STRN3: variants seen among roughly 807,000 people sequenced by gnomAD.
The protein encoded by STRN3 is striatin 3.
Under a neutral mutation model 95.6 loss-of-function variants are expected in STRN3, and 29 were observed. The ratio of observed to expected loss-of-function variants is 0.30; its 90% confidence interval spans 0.23 to 0.41. The LOEUF (loss-of-function observed/expected upper bound fraction) is 0.41. Ranked by LOEUF, STRN3 falls within the 10% of genes least tolerant of loss-of-function variation. The pLI, the probability that STRN3 is intolerant of heterozygous loss-of-function variation, is 1.00. For missense variants in STRN3, 890 were observed against 972.1 expected (o/e 0.92, Z 1.12); for synonymous variants, 331 against 357.6 (o/e 0.93, Z 0.84).
At chr14:30,902,996 C>T (rs1896365728) in intron 15 of STRN3, among the ~76,000 whole-genome samples, 1 of 152,084 alleles carries the variant, frequency 6.6e-6, no homozygotes, top group Non-Finnish European at 1.5e-5. Flanking sequence ...AAAACATTCA[C>T]AATTGCTAGT....
chr14:30,913,707 A>G, intron 9 of STRN3, 50 bp from the exon 10 acceptor site: 1 of 1,570,230 alleles, frequency 6.4e-7, no homozygotes, highest in Non-Finnish European at 8.6e-7. Context: ...ATACAGTACA[A>G]GACAATATTG....
intron 5 of STRN3, among the ~76,000 whole-genome samples, chr14:30,944,924 A>G (rs1432840720): frequency 2.0e-5 from 3 of 152,084 alleles, no homozygotes; most frequent in Non-Finnish European, 2.9e-5. Flanking sequence ...ACCAGAATAT[A>G]TTTTAGATAA....
intron 7 of STRN3, among the ~76,000 whole-genome samples, chr14:30,931,234 GGTAA>G (rs1878521100): frequency 6.6e-6 from 1 of 152,086 alleles, no homozygotes; most frequent in African/African-American, 2.4e-5. Flanking sequence ...AAACTTGCCT[GGTAA>G]GTAACAGCTG....
At chr14:30,992,180 C>T (rs1344950443) in intron 1 of STRN3, among the ~76,000 whole-genome samples, 4 of 151,822 alleles carry the variant, frequency 2.6e-5, no homozygotes, top group South Asian at 2.1e-4. Flanking sequence ...GAGGCTGAGG[C>T]GGGCGGATCA....
At chr14:30,897,540 G>A (rs755391459) in intron 16 of STRN3, among the ~76,000 whole-genome samples, 2 of 152,170 alleles carry the variant, frequency 1.3e-5, no homozygotes, top group African/African-American at 2.4e-5. Flanking sequence ...AGCTGAGATC[G>A]TGCCACTGCA....
intron 1 of STRN3, among the ~76,000 whole-genome samples, chr14:30,957,510 C>T (rs901151524): frequency 1.3e-5 from 2 of 150,766 alleles, no homozygotes; most frequent in Admixed American, 1.3e-4. Flanking sequence ...TTCCATTGTA[C>T]CACCCCACTC....
intron 16 of STRN3, among the ~76,000 whole-genome samples, chr14:30,896,449 A>T (rs2138929646): frequency 6.6e-6 from 1 of 152,152 alleles, no homozygotes; most frequent in African/African-American, 2.4e-5. Flanking sequence ...GTGCACTATG[A>T]CTGTGCCTGT....
chr14:30,937,881 G>A (rs1408767980), intron 5 of STRN3, among the ~76,000 whole-genome samples: 1 of 152,118 alleles, frequency 6.6e-6, no homozygotes, highest in African/African-American at 2.4e-5. Flanking sequence ...AATTAAGCAT[G>A]TAATACAATT....
At chr14:30,951,553 A>G (rs1879641778) in intron 3 of STRN3, among the ~76,000 whole-genome samples, 1 of 152,118 alleles carries the variant, frequency 6.6e-6, no homozygotes, top group Non-Finnish European at 1.5e-5. Flanking sequence ...TTTAACTACT[A>G]GAATTCCGCT....
In STRN3 at chr14:30,936,579, G is replaced by A. The variant is rs773148956; in HGVS notation, c.762C>T (p.Ala254=). Residue 254 remains alanine (A), a synonymous_variant, in exon 6 of 18, where the codon GCC becomes GCT. Coordinates refer to ENST00000357479, the MANE Select transcript of STRN3 (RefSeq NM_001083893.2). ...VLETFNFLEN[A]DDSDEDEEND... The stretch of plus-strand genomic sequence containing the variant: ...TTTCCTCATCTTCATCACTGTCATC[G>A]GCATTTTCTAAGAAATTGAACGTCT... The A allele has an allele frequency of 2.9e-5, 47 of 1,613,390 alleles. No individual in the cohort carries two copies. Among genetic ancestry groups the A allele is most frequent in the Middle Eastern group, 1.6e-4 (1 of 6,076 alleles).
At chr14:30,952,699 C>CAA (rs1011811438) in intron 3 of STRN3, among the ~76,000 whole-genome samples, 1 of 149,328 alleles carries the variant, frequency 6.7e-6, no homozygotes, top group Admixed American at 6.7e-5. Flanking sequence ...GACTCTGTCT[C>CAA]AAAAAAAACC....
chr14:30,915,262 A>C (rs1896709170), intron 9 of STRN3, among the ~76,000 whole-genome samples: 1 of 152,190 alleles, frequency 6.6e-6, no homozygotes, highest in Admixed American at 6.5e-5. Context: ...AATTCTGAGA[A>C]GACACAATTC....
At chr14:30,997,988 G>A (rs762697102) in intron 1 of STRN3, among the ~76,000 whole-genome samples, 3 of 152,118 alleles carry the variant, frequency 2.0e-5, no homozygotes, top group African/African-American at 7.2e-5. Context: ...ATCTTGGTAG[G>A]AGCTACAAAT....
chr14:30,985,293 A>G (rs1881627380), intron 1 of STRN3, among the ~76,000 whole-genome samples: 1 of 115,678 alleles, frequency 8.6e-6, no homozygotes. Flanking sequence ...GGGCAACAAG[A>G]GTAAAACTCC....
chr14:30,948,643 A>G (rs912106552), intron 4 of STRN3, among the ~76,000 whole-genome samples: 1 of 152,250 alleles, frequency 6.6e-6, no homozygotes, highest in Non-Finnish European at 1.5e-5. Context: ...TAGTTGCTTC[A>G]GAGGAATGTC....
intron 1 of STRN3, among the ~76,000 whole-genome samples, chr14:30,986,272 T>G (rs1357795796): frequency 6.6e-6 from 1 of 152,162 alleles, no homozygotes; most frequent in Non-Finnish European, 1.5e-5. Flanking sequence ...ACTGGCCTCC[T>G]GAAGTGTTCT....
chr14:30,961,254 T>C (rs1032664845), intron 1 of STRN3, among the ~76,000 whole-genome samples: 3 of 152,188 alleles, frequency 2.0e-5, no homozygotes, highest in South Asian at 2.1e-4. Context: ...AAACCTAACA[T>C]ACTTACTTTA....
rs1166972994 is a variant in STRN3, at chr14:30,994,653, TAC to T, written c.282+31249_282+31250del. 5.3e-5 allele frequency among the ~76,000 whole-genome samples: 8 copies of T among 152,302 alleles called. No homozygotes were observed. The East Asian group carries it at 1.4e-3, about 26-fold the overall frequency. ...CCAAACAAATTTAAATTTAACAAGT[TAC>T]ACTTTAAAAAAACAGGTGATGTGGT... On this transcript the variant is annotated intron_variant, in intron 1 of 17. Coordinates refer to ENST00000357479, the MANE Select transcript of STRN3 (RefSeq NM_001083893.2).
At chr14:30,921,430 A>G (rs569660875) in intron 8 of STRN3, among the ~76,000 whole-genome samples, 4 of 152,282 alleles carry the variant, frequency 2.6e-5, no homozygotes, top group East Asian at 1.9e-4. Flanking sequence ...CCCAAATTAT[A>G]TAATATTATT....
Sources: gnomAD v4.1 joint callset for allele counts (sites outside exome capture counted in the v4.1 genomes callset) on GRCh38, gnomAD v4.1.1 for gene constraint, MANE v1.5 for transcripts, NCBI Gene and HGNC (gene_info 2026-07-23, HGNC 2026-07-21) for gene names.